Variants in DPP8 observed in about 807,000 individuals in gnomAD.
DPP8 encodes the protein DPP VIII.
In DPP8, 31 loss-of-function variants were observed where a neutral mutation model predicts 107.5. That is an observed-to-expected ratio of 0.29 (90% CI 0.22 to 0.39). The LOEUF (loss-of-function observed/expected upper bound fraction) is 0.39. Ranked by LOEUF, DPP8 falls within the 10% of genes least tolerant of loss-of-function variation. The probability of loss-of-function intolerance (pLI) is 1.00; values close to 1 mark genes in which losing one functional copy is unlikely to be tolerated. For missense variants in DPP8, 842 were observed against 1,076.1 expected (o/e 0.78, Z 3.04); for synonymous variants, 381 against 356.6 (o/e 1.07, Z -0.77).
At position 65,451,080 on chromosome 15, in the gene DPP8, G is replaced by C. The variant is rs2063938716; in HGVS notation, c.2445C>G (p.Phe815Leu). Residue 815 changes from phenylalanine (F) to leucine (L), a missense_variant, in exon 19 of 20, where the codon TTC becomes TTG. This residue lies in a region of DPP8 where 179 missense variants were observed against 318.0 expected (regional missense o/e 0.56). Coordinates refer to ENST00000300141, the MANE Select transcript of DPP8 (RefSeq NM_130434.5). The stretch of plus-strand genomic sequence containing the variant: ...GTGCAAAATGGACATTCTCATCCAG[G>C]AAACCATGTAAGAGCAGTAAACGAT... ...EPNRLLLLHG[F>L]LDENVHFAHT... The C allele has an allele frequency of 1.9e-6, 3 of 1,612,768 alleles. No individual in the cohort carries two copies. In the East Asian group the frequency reaches 6.7e-5, roughly 36 times the overall value.
At chr15:65,471,528 T>C (rs2065899440) in intron 12 of DPP8, among the ~76,000 whole-genome samples, 1 of 151,580 alleles carries the variant, frequency 6.6e-6, no homozygotes, top group Admixed American at 6.6e-5. Flanking sequence ...TTTTTTTTTT[T>C]TTTGGTAGAG....
intron 5 of DPP8, among the ~76,000 whole-genome samples, chr15:65,493,069 T>C (rs563690186): frequency 6.6e-6 from 1 of 152,222 alleles, no homozygotes; most frequent in South Asian, 2.1e-4. Context: ...TTTTCTTTCC[T>C]TTTCTGTTTT....
chr15:65,454,538 A>G (rs2064240041), intron 16 of DPP8, 123 bp from the exon 17 acceptor site: 3 of 857,640 alleles, frequency 3.5e-6, no homozygotes, highest in Admixed American at 3.7e-5. Context: ...TATTTTATTT[A>G]TTTTTTGAGA....
At chr15:65,513,503 C>T (rs774499480) in intron 1 of DPP8, among the ~76,000 whole-genome samples, 4 of 152,164 alleles carry the variant, frequency 2.6e-5, no homozygotes, top group Admixed American at 6.6e-5. Flanking sequence ...TGAGCCACCG[C>T]GCCCAGCGTG....
At chr15:65,493,894 A>G (rs1287510855) in intron 5 of DPP8, among the ~76,000 whole-genome samples, 1 of 152,070 alleles carries the variant, frequency 6.6e-6, no homozygotes, top group Non-Finnish European at 1.5e-5. Context: ...GAGTAAGTGG[A>G]ATAAGCTGAT....
At chr15:65,499,407 G>C (rs1389807587) in intron 4 of DPP8, among the ~76,000 whole-genome samples, 1 of 151,934 alleles carries the variant, frequency 6.6e-6, no homozygotes, top group Non-Finnish European at 1.5e-5. Context: ...GTTTTTAGTA[G>C]AGACAGGGTT....
chr15:65,498,681 A>C (rs1015258772), intron 4 of DPP8, among the ~76,000 whole-genome samples: 2 of 152,172 alleles, frequency 1.3e-5, no homozygotes, highest in African/African-American at 4.8e-5. Flanking sequence ...ATATTTTAAA[A>C]TTATTTTTAC....
intron 12 of DPP8, among the ~76,000 whole-genome samples, chr15:65,469,653 C>CAAAAAAAAAA (rs61311948): frequency 7.5e-5 from 5 of 66,496 alleles, no homozygotes; most frequent in Non-Finnish European, 8.5e-5. Context: ...AACTCCGTCT[C>CAAAAAAAAAA]AAAAAAAAAA....
Position 65,456,308 on chromosome 15 carries a change from G to C in DPP8, c.2035C>G (p.Leu679Val). Residue 679 changes from leucine (L) to valine (V), a missense_variant, in exon 16 of 20, where the codon CTA (leucine) becomes GTA (valine). Physicochemically the swap from Leu to Val is conservative, Grantham distance 32 (BLOSUM62 1). Coordinates refer to ENST00000300141, the MANE Select transcript of DPP8 (RefSeq NM_130434.5). ...KYFRLNTLAS[L>V]GYVVVVIDNR... Reference sequence around the variant, plus strand: ...TCTATCACTACAACCACATAACCTAGAGAGGCTAGGGTATTCAAGCGGAAA... The same window carrying C: ...TCTATCACTACAACCACATAACCTACAGAGGCTAGGGTATTCAAGCGGAAA... The C allele has an allele frequency of 6.2e-7, 1 of 1,614,050 alleles. No individual in the cohort carries two copies. The highest frequency in any genetic ancestry group is 8.5e-7 in the Non-Finnish European group (1 of 1,179,996).
At chr15:65,457,366 CAAAA>C (rs1265036624) in intron 15 of DPP8, among the ~76,000 whole-genome samples, 1 of 151,600 alleles carries the variant, frequency 6.6e-6, no homozygotes, top group Admixed American at 6.6e-5. Flanking sequence ...AAAAAACAAA[CAAAA>C]AAAGTCATAC....
At chr15:65,475,501 C>T in intron 11 of DPP8, 1 of 1,470,016 alleles carries the variant, frequency 6.8e-7, no homozygotes, top group African/African-American at 1.4e-5. Flanking sequence ...CATAGGCCAT[C>T]ACATGACCTG....
chr15:65,445,452 C>T lies in DPP8; in HGVS notation c.*1432G>A, dbSNP rs1312305239. On this transcript the variant is annotated 3_prime_UTR_variant, in exon 20 of 20. Coordinates refer to ENST00000300141, the MANE Select transcript of DPP8 (RefSeq NM_130434.5). ...CTAACAGGGCAGATCTCAATTAGCA[C>T]CTGAAAGCCTATGAGCTCTCTTCAT... The T allele has an allele frequency of 2.0e-5, 3 of 153,174 alleles. No individual in the cohort carries two copies. In the Admixed American group the frequency reaches 2.0e-4, roughly 10 times the overall value. 9.5% of individuals were successfully genotyped at this position (153,174 alleles called of 1,614,324 possible).
rs576307581 is a variant in DPP8 at position 65,442,540 on chromosome 15, A to G, written c.*4344T>C. 3.9e-5 allele frequency: 6 copies of G among 152,332 alleles called. No individual in the cohort carries two copies. In the South Asian group the frequency reaches 1.2e-3, roughly 32 times the overall value. The allele number at this position is 152,332 out of a possible 1,614,324, so 9.4% of individuals were successfully genotyped here. On this transcript the variant is annotated 3_prime_UTR_variant, in exon 20 of 20. Coordinates refer to ENST00000300141, the MANE Select transcript of DPP8 (RefSeq NM_130434.5). ...CAAGAAAACTAATGTTTCACTTTACATGATTAAAAGCCATATACCTAAAAA... is the reference window on the plus strand; with the variant it reads ...CAAGAAAACTAATGTTTCACTTTACGTGATTAAAAGCCATATACCTAAAAA...
rs1454915534 is a variant in DPP8, at chr15:65,445,986, A to G, written c.*898T>C. ...CCTTCAATCTCCTTAAAATTCTAGA[A>G]TATTTTAATAAGGAAATACCAAATG... On this transcript the variant is annotated 3_prime_UTR_variant, in exon 20 of 20. Coordinates refer to ENST00000300141, the MANE Select transcript of DPP8 (RefSeq NM_130434.5). The G allele has an allele frequency of 2.6e-5, 4 of 152,040 alleles. No individual in the cohort carries two copies. The highest frequency in any genetic ancestry group is 4.8e-5 in the African/African-American group (2 of 41,396). 9.4% of individuals were successfully genotyped at this position (152,040 alleles called of 1,614,324 possible).
intron 15 of DPP8, among the ~76,000 whole-genome samples, chr15:65,458,370 C>T (rs1303900818): frequency 3.9e-5 from 6 of 152,158 alleles, no homozygotes; most frequent in African/African-American, 7.2e-5. Flanking sequence ...AAGCAATTCT[C>T]GTGCCTCAGC....
intron 9 of DPP8, 103 bp downstream of exon 9, chr15:65,481,412 A>C: frequency 1.3e-6 from 1 of 772,914 alleles, no homozygotes; most frequent in Middle Eastern, 2.3e-4. Context: ...GCAAATTTAC[A>C]TGTGAAGGCA....
rs1449107298 is a variant in DPP8 at position 65,444,681 on chromosome 15, C to CA, written c.*2202dup. 2 of 152,102 alleles carry CA rather than the reference C, an allele frequency of 1.3e-5. No individual in the cohort carries two copies. The highest frequency in any genetic ancestry group is 6.6e-5 in the Admixed American group (1 of 15,260). 9.4% of individuals were successfully genotyped at this position (152,102 alleles called of 1,614,324 possible). On this transcript the variant is annotated 3_prime_UTR_variant, in exon 20 of 20. Coordinates refer to ENST00000300141, the MANE Select transcript of DPP8 (RefSeq NM_130434.5). Reference sequence around the variant, plus strand: ...TTTGTGATAGGAGGAAAGGAGAAGGCAACATGCAAAAGGAAAACACCTGTG... The same window carrying CA: ...TTTGTGATAGGAGGAAAGGAGAAGGCAAACATGCAAAAGGAAAACACCTGTG...
At chr15:65,510,182 G>A (rs915990067) in intron 2 of DPP8, among the ~76,000 whole-genome samples, 2 of 151,900 alleles carry the variant, frequency 1.3e-5, no homozygotes, top group African/African-American at 4.8e-5. Flanking sequence ...TGGGCATGGT[G>A]GCACACGCCT....
chr15:65,480,358 T>A lies in DPP8; in HGVS notation c.1160A>T (p.Gln387Leu). Residue 387 changes from glutamine (Q) to leucine (L), a missense_variant, in exon 10 of 20, where the codon CAG becomes CTG. Coordinates refer to ENST00000300141, the MANE Select transcript of DPP8 (RefSeq NM_130434.5). Reference sequence around the variant, plus strand: ...TAATTCAGGTGAGATCAACACTATCTGTAGGCGAGTCTGGGAGCGATCTAG... The same window carrying A: ...TAATTCAGGTGAGATCAACACTATCAGTAGGCGAGTCTGGGAGCGATCTAG... ...ILLDRSQTRLQIVLISPELFI... is the reference protein window; with the variant it reads ...ILLDRSQTRLLIVLISPELFI... The A allele has an allele frequency of 6.2e-7, 1 of 1,613,630 alleles. No homozygotes were observed. The highest frequency in any genetic ancestry group is 8.5e-7 in the Non-Finnish European group (1 of 1,179,868).
Sources: gnomAD v4.1 joint callset for allele counts (sites outside exome capture counted in the v4.1 genomes callset) on GRCh38, gnomAD v4.1.1 for gene constraint, gnomAD v4.1.1 regional missense constraint, MANE v1.5 for transcripts, NCBI Gene and HGNC (gene_info 2026-07-23, HGNC 2026-07-21) for gene names.